MAF: variants seen among roughly 807,000 people sequenced by gnomAD.
MAF encodes MAF bZIP transcription factor.
Under a neutral mutation model 22.0 loss-of-function variants are expected in MAF, and 10 were observed. The ratio of observed to expected loss-of-function variants is 0.45; its 90% CI spans 0.28 to 0.77. The LOEUF is 0.77. Ranked by LOEUF, MAF falls within the 30% of genes least tolerant of loss-of-function variation. MAF has a pLI of 0.12. For synonymous variants in MAF, 337 were observed against 255.8 expected (o/e 1.32, Z -3.03); for missense variants, 544 against 548.4 (o/e 0.99, Z 0.08).
chr16:79,529,909 C>T, the MAF span, among the ~76,000 whole-genome samples: 4 of 140,422 alleles, frequency 2.8e-5, no homozygotes, highest in East Asian at 2.1e-4. Context: ...TGCAGTGATC[C>T]GAGACTACAC....
the MAF span, among the ~76,000 whole-genome samples, chr16:79,337,951 C>T: frequency 6.6e-6 from 1 of 152,286 alleles, no homozygotes; most frequent in Middle Eastern, 3.4e-3. Flanking sequence ...GCCGTTCATT[C>T]CTTCTTGTAT....
At chr16:79,505,618 T>C in the MAF span, 1 of 152,246 alleles carries the variant, frequency 6.6e-6, no homozygotes, top group Non-Finnish European at 1.5e-5. Flanking sequence ...GCCCGAGGGA[T>C]GCATCACTGA....
chr16:79,219,491 A>C, the MAF span, among the ~76,000 whole-genome samples: 1 of 144,542 alleles, frequency 6.9e-6, no homozygotes, highest in Non-Finnish European at 1.5e-5. Flanking sequence ...GCGGAGCCTA[A>C]AGTGAGCGGA....
At chr16:79,412,818 G>A in the MAF span, among the ~76,000 whole-genome samples, 35 of 152,316 alleles carry the variant, frequency 2.3e-4, no homozygotes, top group East Asian at 9.7e-4. Flanking sequence ...CACCCAGAGC[G>A]TTCTGGGAGG....
the MAF span, among the ~76,000 whole-genome samples, chr16:79,277,780 G>C: frequency 6.6e-6 from 1 of 152,188 alleles, no homozygotes; most frequent in Non-Finnish European, 1.5e-5. Context: ...ACGCCTGTGT[G>C]TATAAATACG....
chr16:79,214,954 C>T, the MAF span, among the ~76,000 whole-genome samples: 366 of 151,976 alleles, frequency 2.4e-3, 1 homozygote, highest in African/African-American at 8.0e-3. Flanking sequence ...AGGTGATCCA[C>T]CCACCTCAGC....
chr16:79,455,274 T>G, the MAF span, among the ~76,000 whole-genome samples: 2 of 152,136 alleles, frequency 1.3e-5, no homozygotes, highest in African/African-American at 2.4e-5. Flanking sequence ...TAGTATATGT[T>G]AATGGCTCAA....
the MAF span, chr16:79,203,560 C>G: frequency 6.7e-6 from 1 of 148,224 alleles, no homozygotes; most frequent in Non-Finnish European, 1.5e-5. Flanking sequence ...ATGGGGCATA[C>G]GTGTAAATGA....
At chr16:79,313,062 A>C in the MAF span, among the ~76,000 whole-genome samples, 1 of 152,170 alleles carries the variant, frequency 6.6e-6, no homozygotes, top group Non-Finnish European at 1.5e-5. Context: ...CAACCTATGC[A>C]CAGACTGCAC....
At chr16:79,240,157 G>T in the MAF span, among the ~76,000 whole-genome samples, 1 of 151,722 alleles carries the variant, frequency 6.6e-6, no homozygotes, top group African/African-American at 2.4e-5. Flanking sequence ...TGTAAGTGGA[G>T]AAAAACTATA....
the MAF span, among the ~76,000 whole-genome samples, chr16:79,354,299 A>G: frequency 1.3e-5 from 2 of 152,128 alleles, no homozygotes; most frequent in African/African-American, 2.4e-5. Context: ...GCCACAGTAA[A>G]CAGATGGATT....
At chr16:79,208,914 A>T in the MAF span, among the ~76,000 whole-genome samples, 1 of 152,218 alleles carries the variant, frequency 6.6e-6, no homozygotes, top group African/African-American at 2.4e-5. Context: ...TTGTCCAGCA[A>T]GGGAGGAAAG....
At chr16:79,453,332 G>A in the MAF span, among the ~76,000 whole-genome samples, 3 of 152,104 alleles carry the variant, frequency 2.0e-5, no homozygotes, top group Non-Finnish European at 4.4e-5. Context: ...ATGATACTGG[G>A]TTCCATGCAA....
At chr16:79,421,864 G>T in the MAF span, among the ~76,000 whole-genome samples, 1 of 152,064 alleles carries the variant, frequency 6.6e-6, no homozygotes, top group Non-Finnish European at 1.5e-5. Context: ...TGCAGCCCCC[G>T]CCTCCCAGGT....
At chr16:79,213,088 G>T in the MAF span, among the ~76,000 whole-genome samples, 1 of 152,160 alleles carries the variant, frequency 6.6e-6, no homozygotes, top group Non-Finnish European at 1.5e-5. Flanking sequence ...TCTTATCTGC[G>T]CATCCCATCT....
At chr16:79,576,612 A>G in the MAF span, among the ~76,000 whole-genome samples, 1 of 151,994 alleles carries the variant, frequency 6.6e-6, no homozygotes, top group Non-Finnish European at 1.5e-5. Flanking sequence ...TAGTTTTCCA[A>G]TCTTGAAAAA....
At chr16:79,522,190 GA>G in the MAF span, among the ~76,000 whole-genome samples, 2 of 152,210 alleles carry the variant, frequency 1.3e-5, no homozygotes, top group African/African-American at 4.8e-5. Context: ...AGCCTGGGTT[GA>G]GATCAAGGGA....
chr16:79,392,059 G>C, the MAF span, among the ~76,000 whole-genome samples: 15 of 150,102 alleles, frequency 1.0e-4, no homozygotes, highest in African/African-American at 3.0e-4. Flanking sequence ...ACAGAGAAGA[G>C]AGGAGAAGAC....
chr16:79,389,925 G>C, the MAF span, among the ~76,000 whole-genome samples: 1 of 123,434 alleles, frequency 8.1e-6, no homozygotes, highest in East Asian at 2.5e-4. Context: ...GCAGTGAGCT[G>C]AGATCGTACC....
Sources: allele counts gnomAD v4.1 joint callset (sites outside exome capture counted in the v4.1 genomes callset), GRCh38; gene constraint gnomAD v4.1.1; transcripts MANE v1.5; gene names NCBI Gene and HGNC (gene_info 2026-07-23, HGNC 2026-07-21).